The following ASGR2 variants were observed in gnomAD, a reference collection of about 807,000 sequenced individuals.
The protein encoded by ASGR2 is asialoglycoprotein receptor 2.
Under a neutral mutation model 32.3 loss-of-function variants are expected in ASGR2, and 34 were observed. That is an observed-to-expected ratio of 1.05 (90% CI 0.80 to 1.40). The LOEUF is 1.40. ASGR2 is among the 40% of genes most tolerant of loss of function. ASGR2 has a pLI of 0.00. For missense variants in ASGR2, 385 were observed against 386.4 expected, an observed-to-expected ratio of 1.00 and a Z score of 0.03; for synonymous variants, 143 against 150.0, an observed-to-expected ratio of 0.95 and a Z score of 0.34.
intron 8 of ASGR2, 127 bp downstream of exon 8, chr17:7,101,963 G>T: frequency 9.0e-7 from 1 of 1,107,692 alleles, no homozygotes; most frequent in Non-Finnish European, 1.3e-6. Context: ...TGGAGGGGTT[G>T]GAGTCTGGGG....
At chr17:7,112,436 C>T (rs79966453) in intron 2 of ASGR2, among the ~76,000 whole-genome samples, 22,826 of 152,058 alleles carry the variant, frequency 0.15, 1,782 homozygotes, top group East Asian at 0.19. Context: ...TGAGCTCACT[C>T]TCCCATTAAT....
chr17:7,112,063 GAAGGAAA>G (rs2151735384), intron 2 of ASGR2, among the ~76,000 whole-genome samples: 1 of 101,010 alleles, frequency 9.9e-6, no homozygotes, highest in African/African-American at 3.8e-5. Context: ...GGAAGCGAGG[GAAGGAAA>G]GGAGGGGAGG....
chr17:7,106,943 C>G, intron 7 of ASGR2, 57 bp downstream of exon 7: 1 of 1,585,682 alleles, frequency 6.3e-7, no homozygotes, highest in Non-Finnish European at 8.6e-7. Flanking sequence ...CCTGATCCAG[C>G]CTCCCAGAGC....
Position 7,107,072 on chromosome 17 carries a change from G to A in ASGR2, c.576C>T (p.Ala192=). The change falls in exon 7 of 9, where the codon GCC becomes GCT. Residue 192 remains alanine, a synonymous_variant. Transcript: ENST00000691900. This position sits in a 1 kb window ranked among gnomAD's most constrained non-coding sequence, Gnocchi z 5.0. ...SCYWFSHSGK[A]WAEAEKYCQL... The stretch of plus-strand genomic sequence containing the variant: ...GGCAGTACTTCTCCGCCTCAGCCCA[G>A]GCCTTCCCGGAGTGAGAGAACCAGT... 11 of 1,614,196 alleles carry A rather than the reference G, an allele frequency of 6.8e-6. No homozygotes were observed. The highest frequency in any genetic ancestry group is 9.3e-6 in the Non-Finnish European group (11 of 1,180,036).
At chr17:7,109,024 T>A (rs985820834) in intron 2 of ASGR2, 136 bp from the exon 3 acceptor site, 1 of 879,264 alleles carries the variant, frequency 1.1e-6, no homozygotes, top group Non-Finnish European at 1.7e-6. Context: ...CATCATAGGC[T>A]TTGACCCCAG....
chr17:7,114,250 C>A lies in ASGR2; in HGVS notation c.-10G>T. 1 of 1,610,570 alleles carries A rather than the reference C, an allele frequency of 6.2e-7. No homozygotes were observed. ...GAAAGTCCTTGGCCATGATGGGGCC[C>A]GGGCTGGAGCTGGAGCTGGAGCTGG... On this transcript the variant is annotated 5_prime_UTR_variant, in exon 2 of 9. Coordinates refer to ENST00000691900, the MANE Select transcript of ASGR2 (RefSeq NM_001201352.2). The surrounding 1 kb of genome is among the most constrained non-coding windows in gnomAD (Gnocchi z 4.5).
intron 2 of ASGR2, 141 bp from the exon 3 acceptor site, chr17:7,109,029 C>A (rs1189478936): frequency 1.2e-6 from 1 of 863,606 alleles, no homozygotes; most frequent in Non-Finnish European, 1.8e-6. Context: ...TAGGCTTTGA[C>A]CCCAGCATTT....
intron 2 of ASGR2, among the ~76,000 whole-genome samples, chr17:7,109,690 A>T (rs1025904371): frequency 2.0e-5 from 3 of 151,942 alleles, no homozygotes; most frequent in Non-Finnish European, 4.4e-5. Flanking sequence ...TCACAAACTC[A>T]CACACACTCA....
At chr17:7,101,834 C>G (rs1284230648) in intron 8 of ASGR2, 94 bp from the exon 9 acceptor site, 2 of 1,488,976 alleles carry the variant, frequency 1.3e-6, no homozygotes, top group Non-Finnish European at 1.8e-6. Context: ...CCTTGAAGGC[C>G]GAGAGTGGAG....
rs530114773 is a variant in ASGR2, at chr17:7,114,791, C to G, written c.-247G>C. 9.0e-4 allele frequency: 895 copies of G among 990,234 alleles called. 1 individual carries two copies. Among genetic ancestry groups the G allele is most frequent in the Non-Finnish European group, 1.0e-3 (842 of 832,942 alleles). The allele number at this position is 990,234 out of a possible 1,614,324, so 61.3% of individuals were successfully genotyped here. ...AGGGTCTGAGTGTCCAAGCTCTAAC[C>G]TGGCACCTCCTGGCCTGGGACTTTG... On this transcript the variant is annotated 5_prime_UTR_variant, in exon 1 of 9. Transcript: ENST00000691900. This position sits in a 1 kb window ranked among gnomAD's most constrained non-coding sequence, Gnocchi z 4.5.
chr17:7,104,704 T>C (rs1006536865), intron 7 of ASGR2, among the ~76,000 whole-genome samples: 4 of 149,542 alleles, frequency 2.7e-5, no homozygotes, highest in Admixed American at 1.3e-4. Flanking sequence ...GGGCCGGGCG[T>C]GGTGGCTCAC....
At chr17:7,103,112 C>T (rs1443242561) in intron 7 of ASGR2, among the ~76,000 whole-genome samples, 1 of 152,142 alleles carries the variant, frequency 6.6e-6, no homozygotes, top group East Asian at 1.9e-4. Flanking sequence ...GGGATGGATC[C>T]GTTGAGCAAC....
At chr17:7,109,234 A>G (rs1196474655) in intron 2 of ASGR2, among the ~76,000 whole-genome samples, 1 of 152,020 alleles carries the variant, frequency 6.6e-6, no homozygotes, top group Non-Finnish European at 1.5e-5. Context: ...GGCCCTGCCT[A>G]GGCACACATC....
chr17:7,109,434 G>C (rs778061685), intron 2 of ASGR2, among the ~76,000 whole-genome samples: 1 of 151,980 alleles, frequency 6.6e-6, no homozygotes, highest in African/African-American at 2.4e-5. Context: ...AAATTCCATT[G>C]AGATCCTTAA....
chr17:7,108,170 C>T lies in ASGR2; in HGVS notation c.338-263G>A, dbSNP rs1447269672. On this transcript the variant is annotated intron_variant, in intron 4 of 8. Coordinates refer to ENST00000691900, the MANE Select transcript of ASGR2 (RefSeq NM_001201352.2). This position sits in a 1 kb window ranked among gnomAD's most constrained non-coding sequence, Gnocchi z 4.9. ...CGTGGCCGGGCCCCTCCCCACCTCT[C>T]TCTGGCCACCCCTTACCTGCCTGCC... Among the ~76,000 whole-genome samples, 1 of 152,176 alleles carries T rather than the reference C, an allele frequency of 6.6e-6. No homozygotes were observed. Among genetic ancestry groups the T allele is most frequent in the African/African-American group, 2.4e-5 (1 of 41,436 alleles).
chr17:7,112,833 T>A (rs1914890999), intron 2 of ASGR2, among the ~76,000 whole-genome samples: 1 of 151,812 alleles, frequency 6.6e-6, no homozygotes, highest in Non-Finnish European at 1.5e-5. Flanking sequence ...AAGCCCCTGC[T>A]CCTCCTGCCT....
At position 7,108,050 on chromosome 17, in the gene ASGR2, G is replaced by T; in HGVS notation, c.338-143C>A. 1 of 830,482 alleles carries T rather than the reference G, an allele frequency of 1.2e-6. No homozygotes were observed. Among genetic ancestry groups the T allele is most frequent in the Non-Finnish European group, 1.9e-6 (1 of 528,240 alleles). 51.4% of individuals were successfully genotyped at this position (830,482 alleles called of 1,614,324 possible). On this transcript the variant is annotated intron_variant, in intron 4 of 8. Transcript: ENST00000691900. The surrounding 1 kb of genome is among the most constrained non-coding windows in gnomAD (Gnocchi z 4.9). Reference sequence around the variant, plus strand: ...GGACCACACCCAGGCTCCCTGCACTGCCACAGTGGCTCAGGCCACTCTCCT... The same window carrying T: ...GGACCACACCCAGGCTCCCTGCACTTCCACAGTGGCTCAGGCCACTCTCCT...
chr17:7,113,852 C>T lies in ASGR2; in HGVS notation c.124+265G>A, dbSNP rs1034066670. On this transcript the variant is annotated intron_variant, in intron 2 of 8. Coordinates refer to ENST00000691900, the MANE Select transcript of ASGR2 (RefSeq NM_001201352.2). The surrounding 1 kb of genome is among the most constrained non-coding windows in gnomAD (Gnocchi z 5.1). ...AATCTGCATTCCTCATATGCACATA[C>T]GTGCACACGCACATACGAGGCACAT... Among the ~76,000 whole-genome samples, 9 of 152,366 alleles carry T rather than the reference C, an allele frequency of 5.9e-5. No individual in the cohort carries two copies. The highest frequency in any genetic ancestry group is 1.0e-4 in the Non-Finnish European group (7 of 68,046).
chr17:7,106,613 T>C (rs965197531), intron 7 of ASGR2, among the ~76,000 whole-genome samples: 2 of 152,168 alleles, frequency 1.3e-5, no homozygotes, highest in Admixed American at 1.3e-4. Flanking sequence ...TTAAAATACT[T>C]TGAAGTTCAG....
Sources: allele counts gnomAD v4.1 joint callset (sites outside exome capture counted in the v4.1 genomes callset), GRCh38; gene constraint gnomAD v4.1.1; non-coding constraint Gnocchi (gnomAD v3.1); transcripts MANE v1.5; gene names NCBI Gene and HGNC (gene_info 2026-07-23, HGNC 2026-07-21).